The following APCDD1L variants were observed in gnomAD, a reference collection of about 807,000 sequenced individuals.
APCDD1L encodes the protein protein APCDD1-like.
In APCDD1L, 21 loss-of-function variants were observed where a neutral mutation model predicts 24.2. The observed-to-expected ratio is 0.87, with a 90% confidence interval of 0.61 to 1.25. The LOEUF (loss-of-function observed/expected upper bound fraction) is 1.25. Among genes scored for constraint, APCDD1L ranks in the 50% most tolerant of loss-of-function variants. APCDD1L has a pLI of 0.00. For synonymous variants in APCDD1L, 321 were observed against 323.6 expected (o/e 0.99, Z 0.09); for missense variants, 704 against 711.7 (o/e 0.99, Z 0.12).
At position 58,467,410 on chromosome 20, in the gene APCDD1L, G is replaced by A. The variant is rs777640217; in HGVS notation, c.437C>T (p.Thr146Ile). Residue 146 changes from threonine (T) to isoleucine (I), a missense_variant, in exon 3 of 4, where the codon ACC becomes ATC. Coordinates refer to ENST00000371149, the MANE Select transcript of APCDD1L (RefSeq NM_153360.3). This position sits in a 1 kb window ranked among gnomAD's most constrained non-coding sequence, Gnocchi z 5.9. ...FHSRRALVDV[T>I]GRLNQTRAGR... ...GGCGCGGGTCTGGTTGAGGCGCCCG[G>A]TGACGTCGACCAGGGCCCGGCGGCT... 10 of 1,545,746 alleles carry A rather than the reference G, an allele frequency of 6.5e-6. No individual in the cohort carries two copies. The highest frequency in any genetic ancestry group is 2.8e-5 in the African/African-American group (2 of 72,166).
At chr20:58,462,549 C>T (rs34567790) in intron 3 of APCDD1L, among the ~76,000 whole-genome samples, 8,731 of 152,232 alleles carry the variant, frequency 0.057, 309 homozygotes, top group Non-Finnish European at 0.084. Context: ...CAAAAGCCAT[C>T]AAAATATGTC....
intron 1 of APCDD1L, among the ~76,000 whole-genome samples, chr20:58,501,856 C>T (rs1990443095): frequency 6.6e-6 from 1 of 152,222 alleles, no homozygotes; most frequent in African/African-American, 2.4e-5. Flanking sequence ...ATGGCCTGCT[C>T]ATCCTGTCCT....
At position 58,470,647 on chromosome 20, in the gene APCDD1L, G is replaced by A. The variant is rs746300653; in HGVS notation, c.150C>T (p.Ile50=). The stretch of plus-strand genomic sequence containing the variant: ...AAGGTCCATTAAGGCGTGGAGGCAG[G>A]ATCGCAGTGCTGGGCACTCTATCTG... ...PLPDRVPSTA[I]LPPRLNGPWI... Residue 50 remains isoleucine, a synonymous_variant, in exon 2 of 4, where the codon ATC becomes ATT. Transcript: ENST00000371149. 2 of 1,580,084 alleles carry A rather than the reference G, an allele frequency of 1.3e-6. No individual in the cohort carries two copies. The highest frequency in any genetic ancestry group is 1.7e-4 in the Middle Eastern group (1 of 5,900).
intron 1 of APCDD1L, among the ~76,000 whole-genome samples, chr20:58,490,441 G>T (rs572871855): frequency 5.3e-4 from 80 of 152,314 alleles, no homozygotes; most frequent in African/African-American, 1.9e-3. Context: ...AGGGGTATTT[G>T]GGGAAGCCTG....
chr20:58,505,038 A>T (rs1990507193), intron 1 of APCDD1L, among the ~76,000 whole-genome samples: 1 of 152,158 alleles, frequency 6.6e-6, no homozygotes, highest in African/African-American at 2.4e-5. Flanking sequence ...GATGGAACTG[A>T]TCCTATAGAA....
rs766101053 is a variant in APCDD1L, at chr20:58,460,940, C to T, written c.1356G>A (p.Leu452=). The part of the protein sequence containing the change: ...EKRPTSYQAP[L]VLCHGEAPDF... ...CGGGGGCCTCCCCATGACAGAGCAC[C>T]AGGGGTGCTTGGTAGGAGGTGGGAC... is the stretch of plus-strand genomic sequence containing the variant. The change falls in exon 4 of 4, where the codon CTG becomes CTA. Residue 452 remains leucine, a synonymous_variant. Transcript: ENST00000371149. This position sits in a 1 kb window ranked among gnomAD's most constrained non-coding sequence, Gnocchi z 4.2. 7 of 1,613,990 alleles carry T rather than the reference C, an allele frequency of 4.3e-6. No individual in the cohort carries two copies. The highest frequency in any genetic ancestry group is 5.9e-6 in the Non-Finnish European group (7 of 1,179,946).
Position 58,497,219 on chromosome 20 carries a change from G to A in APCDD1L, c.49+17440C>T, listed in dbSNP as rs779877294. ...TCCTGGGGGTGAGGGGGCATGCAGC[G>A]GGTGGAGGCTGAGGGGCAGATGCGG... On this transcript the variant is annotated intron_variant, in intron 1 of 3. Transcript: ENST00000371149. This position sits in a 1 kb window ranked among gnomAD's most constrained non-coding sequence, Gnocchi z 4.3. 8.6e-5 allele frequency among the ~76,000 whole-genome samples: 13 copies of A among 151,968 alleles called. No homozygotes were observed. The highest frequency in any genetic ancestry group is 6.2e-4 in the South Asian group (3 of 4,818).
intron 1 of APCDD1L, among the ~76,000 whole-genome samples, chr20:58,510,685 T>A (rs940222407): frequency 3.3e-5 from 5 of 152,074 alleles, no homozygotes; most frequent in African/African-American, 1.2e-4. Context: ...TCTGTCATCA[T>A]CCCCATTCTG....
chr20:58,507,747 T>C (rs906538043), intron 1 of APCDD1L, among the ~76,000 whole-genome samples: 1 of 152,136 alleles, frequency 6.6e-6, no homozygotes, highest in African/African-American at 2.4e-5. Flanking sequence ...TTGCAACACA[T>C]ACAAGAGACA....
chr20:58,495,844 C>G (rs1990311442), intron 1 of APCDD1L, among the ~76,000 whole-genome samples: 1 of 152,148 alleles, frequency 6.6e-6, no homozygotes, highest in Non-Finnish European at 1.5e-5. Context: ...ATGCCCTTGT[C>G]TCCCCAGCTG....
chr20:58,487,130 T>A (rs1302527609), intron 1 of APCDD1L, among the ~76,000 whole-genome samples: 1 of 152,066 alleles, frequency 6.6e-6, no homozygotes, highest in Non-Finnish European at 1.5e-5. Context: ...AAAATGTAAT[T>A]CTTTAAATAA....
At position 58,467,722 on chromosome 20, in the gene APCDD1L, C is replaced by A; in HGVS notation, c.189-64G>T. ...ACACCGCGCCGCGAGCCCCTCTCCC[C>A]TCTGGGCTGGGCTCCTTTCTCCCCC... On this transcript the variant is annotated intron_variant, in intron 2 of 3. Transcript: ENST00000371149. The surrounding 1 kb of genome is among the most constrained non-coding windows in gnomAD (Gnocchi z 5.9). 1 of 1,375,470 alleles carries A rather than the reference C, an allele frequency of 7.3e-7. No homozygotes were observed. The highest frequency in any genetic ancestry group is 3.0e-5 in the East Asian group (1 of 33,700). The allele number at this position is 1,375,470 out of a possible 1,614,324, so 85.2% of individuals were successfully genotyped here. A position where few individuals can be genotyped will look rare whatever the true frequency, so the allele number is the denominator to read the frequency against.
chr20:58,484,664 C>T (rs573701653), intron 1 of APCDD1L, among the ~76,000 whole-genome samples: 12 of 152,146 alleles, frequency 7.9e-5, no homozygotes, highest in African/African-American at 2.9e-4. Flanking sequence ...CACAGTCTGC[C>T]GCGGAGGAAC....
intron 1 of APCDD1L, among the ~76,000 whole-genome samples, chr20:58,493,086 A>G (rs1341386261): frequency 6.6e-6 from 1 of 152,160 alleles, no homozygotes; most frequent in Non-Finnish European, 1.5e-5. Context: ...GCATACATGC[A>G]TACACGCACT....
At chr20:58,465,440 C>T (rs543916807) in intron 3 of APCDD1L, among the ~76,000 whole-genome samples, 2 of 152,104 alleles carry the variant, frequency 1.3e-5, no homozygotes, top group Non-Finnish European at 2.9e-5. Context: ...GAAGTTGCCT[C>T]ATTGGTTTAG....
chr20:58,498,935 G>T (rs888341738), intron 1 of APCDD1L, among the ~76,000 whole-genome samples: 6 of 152,330 alleles, frequency 3.9e-5, no homozygotes, highest in African/African-American at 1.4e-4. Flanking sequence ...TCCCACGTCT[G>T]TGGGTGGCTG....
At chr20:58,465,563 C>T (rs1307826821) in intron 3 of APCDD1L, among the ~76,000 whole-genome samples, 1 of 152,242 alleles carries the variant, frequency 6.6e-6, no homozygotes, top group Non-Finnish European at 1.5e-5. Flanking sequence ...CATCCATCCA[C>T]ACCCATTCAT....
chr20:58,480,534 G>A (rs1349461934), intron 1 of APCDD1L, among the ~76,000 whole-genome samples: 2 of 152,208 alleles, frequency 1.3e-5, no homozygotes, highest in Non-Finnish European at 2.9e-5. Flanking sequence ...ACTGCTTCAT[G>A]TTTGTGTGAC....
At chr20:58,512,705 G>A (rs2038677660) in intron 1 of APCDD1L, among the ~76,000 whole-genome samples, 1 of 152,146 alleles carries the variant, frequency 6.6e-6, no homozygotes, top group Admixed American at 6.5e-5. Flanking sequence ...GGATTAACTG[G>A]GTCCTGTTTC....
Sources: gnomAD v4.1 joint callset for allele counts (sites outside exome capture counted in the v4.1 genomes callset) on GRCh38, gnomAD v4.1.1 for gene constraint, Gnocchi (gnomAD v3.1) non-coding constraint, MANE v1.5 for transcripts, NCBI Gene and HGNC (gene_info 2026-07-23, HGNC 2026-07-21) for gene names.